Variants in CCDC141 observed in about 807,000 individuals in gnomAD.
CCDC141 encodes the protein coiled-coil domain-containing protein 141.
CCDC141 carries 168 observed loss-of-function variants against 181.0 expected under a neutral mutation model. That is an observed-to-expected ratio of 0.93 (90% CI 0.82 to 1.05). The LOEUF is 1.05. Among genes scored for constraint, CCDC141 ranks in the 50% least tolerant of loss-of-function variants. The probability of loss-of-function intolerance (pLI) is 0.00; values close to 1 mark genes in which losing one functional copy is unlikely to be tolerated. For missense variants in CCDC141, 1,902 were observed against 1,788.5 expected (o/e 1.06, Z -1.14); for synonymous variants, 666 against 642.3 (o/e 1.04, Z -0.56).
intron 3 of CCDC141, among the ~76,000 whole-genome samples, chr2:178,975,890 G>A (rs902473873): frequency 1.3e-5 from 2 of 152,098 alleles, no homozygotes; most frequent in African/African-American, 2.4e-5. Flanking sequence ...TCAATAATTT[G>A]TATGCATTAC....
intron 22 of CCDC141, 93 bp from the exon 23 acceptor site, chr2:178,837,837 G>C (rs916717218): frequency 1.5e-6 from 2 of 1,369,990 alleles, no homozygotes; most frequent in African/African-American, 4.5e-5. Flanking sequence ...GAGATAACTC[G>C]AGACAACCTA....
chr2:178,825,722 G>T (rs1009184772), downstream of CCDC141, among the ~76,000 whole-genome samples: 3 of 149,582 alleles, frequency 2.0e-5, no homozygotes, highest in Non-Finnish European at 2.9e-5. Flanking sequence ...CCAACATATG[G>T]AAAAGGGGCA....
Position 178,902,712 on chromosome 2 carries a change from TAAACCACCA to T in CCDC141, c.1265+2608_1265+2616del, listed in dbSNP as rs890870535. Among the ~76,000 whole-genome samples the T allele has an allele frequency of 1.6e-3, 238 of 148,492 alleles. 2 individuals are homozygous for T. Among genetic ancestry groups the T allele is most frequent in the African/African-American group, 5.6e-3 (228 of 41,016 alleles). On this transcript the variant is annotated intron_variant, in intron 8 of 23. Transcript: ENST00000443758. ...TAGGCATGGGCAAGGACTTCATGTC[TAAACCACCA>T]AAAGCAATGGCAACAAAAGTCAAAA... is the stretch of plus-strand genomic sequence containing the variant.
At chr2:178,969,104 CAAAAAAAAAA>C (rs55999054) in intron 4 of CCDC141, among the ~76,000 whole-genome samples, 26 of 51,194 alleles carry the variant, frequency 5.1e-4, no homozygotes, top group African/African-American at 1.5e-3. Flanking sequence ...GCTTACCAAC[CAAAAAAAAAA>C]AAAAAAAAAA....
chr2:178,860,663 T>C (rs1477130543), intron 17 of CCDC141, among the ~76,000 whole-genome samples: 1 of 135,284 alleles, frequency 7.4e-6, no homozygotes, highest in African/African-American at 2.8e-5. Flanking sequence ...AATTGTAGAA[T>C]ATTCAGACTT....
chr2:179,001,210 A>G (rs1367845610), intron 2 of CCDC141, among the ~76,000 whole-genome samples: 2 of 152,226 alleles, frequency 1.3e-5, no homozygotes, highest in African/African-American at 4.8e-5. Context: ...GCATATATTA[A>G]ATATTTTTAA....
downstream of CCDC141, among the ~76,000 whole-genome samples, chr2:178,827,937 A>G (rs1454692758): frequency 6.6e-6 from 1 of 152,140 alleles, no homozygotes; most frequent in African/African-American, 2.4e-5. Flanking sequence ...ATATTTCCTC[A>G]CTTCTTTTAG....
At chr2:179,048,822 C>CTTCTA (rs2043585838) in intron 1 of CCDC141, among the ~76,000 whole-genome samples, 1 of 152,294 alleles carries the variant, frequency 6.6e-6, no homozygotes, top group East Asian at 1.9e-4. Context: ...CTATAGTGAA[C>CTTCTA]TGTTTTGCTC....
At chr2:178,983,300 CA>C (rs1471368742) in intron 2 of CCDC141, among the ~76,000 whole-genome samples, 1 of 152,134 alleles carries the variant, frequency 6.6e-6, no homozygotes, top group Non-Finnish European at 1.5e-5. Context: ...ACATCCACAC[CA>C]AAAACCCATC....
intron 6 of CCDC141, among the ~76,000 whole-genome samples, chr2:178,942,025 T>C (rs1689545627): frequency 1.4e-5 from 2 of 138,782 alleles, no homozygotes; most frequent in Admixed American, 7.4e-5. Context: ...AAATTTACTC[T>C]CAGGGATGCT....
At chr2:178,920,201 T>C (rs1228659548) in intron 6 of CCDC141, among the ~76,000 whole-genome samples, 1 of 152,170 alleles carries the variant, frequency 6.6e-6, no homozygotes. Context: ...CGTGGAAAAT[T>C]TAGCACAAGA....
chr2:178,895,227 G>A (rs1017849651), intron 8 of CCDC141, among the ~76,000 whole-genome samples: 6 of 152,122 alleles, frequency 3.9e-5, no homozygotes, highest in African/African-American at 1.2e-4. Context: ...GCTGGTTTTC[G>A]GGTTTGCACT....
intron 6 of CCDC141, among the ~76,000 whole-genome samples, chr2:178,928,925 T>C (rs1689003167): frequency 6.6e-6 from 1 of 152,220 alleles, no homozygotes; most frequent in Admixed American, 6.5e-5. Flanking sequence ...ATACTATTTG[T>C]ATATATTTTG....
chr2:178,951,141 T>C (rs1689936115), intron 5 of CCDC141, among the ~76,000 whole-genome samples: 1 of 152,234 alleles, frequency 6.6e-6, no homozygotes, highest in Non-Finnish European at 1.5e-5. Flanking sequence ...AAAGACATTG[T>C]TTTTCAGGAG....
chr2:178,890,737 G>A (rs1221081983), intron 8 of CCDC141, among the ~76,000 whole-genome samples: 5 of 151,994 alleles, frequency 3.3e-5, no homozygotes, highest in African/African-American at 9.7e-5. Flanking sequence ...CTCCTCTTTG[G>A]CCATTTGAAT....
At chr2:178,995,058 G>A (rs13384841) in intron 2 of CCDC141, among the ~76,000 whole-genome samples, 106 of 152,188 alleles carry the variant, frequency 7.0e-4, no homozygotes, top group African/African-American at 2.3e-3. Context: ...CCCTCCAAAC[G>A]GTTCCAACCC....
chr2:179,022,479 G>GCTC (rs1014049065), intron 2 of CCDC141, among the ~76,000 whole-genome samples: 1 of 152,130 alleles, frequency 6.6e-6, no homozygotes, highest in African/African-American at 2.4e-5. Context: ...TGAAGACCTA[G>GCTC]CTCTCTTCCC....
chr2:178,857,671 A>C (rs2154367770), intron 17 of CCDC141, among the ~76,000 whole-genome samples: 1 of 152,338 alleles, frequency 6.6e-6, no homozygotes, highest in Non-Finnish European at 1.5e-5. Context: ...AGAGAAGTAC[A>C]GAGAAAAAAA....
chr2:179,028,618 T>A lies in CCDC141; in HGVS notation c.225+18666A>T, dbSNP rs185752662. 5.1e-3 allele frequency among the ~76,000 whole-genome samples: 784 copies of A among 152,332 alleles called. 12 individuals are homozygous for A. Among genetic ancestry groups the A allele is most frequent in the African/African-American group, 0.018 (738 of 41,570 alleles). ...ACCAGTGGGATATCTGTTTTTCTTA[T>A]CCTATAGGATTTAAGGTTTGGGATT... On this transcript the variant is annotated intron_variant, in intron 2 of 23. Coordinates refer to ENST00000443758, the MANE Select transcript of CCDC141 (RefSeq NM_173648.4).
Sources: allele counts gnomAD v4.1 joint callset (sites outside exome capture counted in the v4.1 genomes callset), GRCh38; gene constraint gnomAD v4.1.1; transcripts MANE v1.5; gene names NCBI Gene and HGNC (gene_info 2026-07-23, HGNC 2026-07-21).